Variants in APTX observed in about 807,000 individuals in gnomAD.
The protein encoded by APTX is aprataxin.
Under a neutral mutation model 42.3 loss-of-function variants are expected in APTX, and 33 were observed. The ratio of observed to expected loss-of-function variants is 0.78; its 90% confidence interval spans 0.59 to 1.04. APTX has a LOEUF of 1.04. Ranked by LOEUF, APTX falls within the 50% of genes least tolerant of loss-of-function variation. The probability of loss-of-function intolerance (pLI) is 0.00; values close to 1 mark genes in which losing one functional copy is unlikely to be tolerated. For synonymous variants in APTX, 130 were observed against 146.7 expected, an observed-to-expected ratio of 0.89 and a Z score of 0.82; for missense variants, 421 against 415.1, an observed-to-expected ratio of 1.01 and a Z score of -0.12.
At chr9:33,007,765 T>C (rs1322985031) in intron 1 of APTX, among the ~76,000 whole-genome samples, 1 of 151,190 alleles carries the variant, frequency 6.6e-6, no homozygotes, top group Non-Finnish European at 1.5e-5. Flanking sequence ...ATGAAAACGA[T>C]ATTAAAAAAA....
At position 32,987,529 on chromosome 9, in the gene APTX, TCACAC is replaced by T; in HGVS notation, c.483+10_483+14del. Reference sequence around the variant, plus strand: ...ATTTCTTCTCCACATCATCTACCAATCACACTACCCTCACCTTTTTGATAGGTGCA... The same window carrying T: ...ATTTCTTCTCCACATCATCTACCAATTACCCTCACCTTTTTGATAGGTGCA... On this transcript the variant is annotated intron_variant, in intron 4 of 7. Coordinates refer to ENST00000379817, the MANE Select transcript of APTX (RefSeq NM_001195248.2). 1 of 1,613,198 alleles carries T rather than the reference TCACAC, an allele frequency of 6.2e-7. No individual in the cohort carries two copies. Among genetic ancestry groups the T allele is most frequent in the South Asian group, 1.1e-5 (1 of 91,080 alleles).
upstream of APTX, among the ~76,000 whole-genome samples, chr9:33,004,809 T>C (rs963873415): frequency 4.0e-5 from 5 of 124,742 alleles, no homozygotes; most frequent in African/African-American, 1.3e-4. Flanking sequence ...ATTTTTGTAT[T>C]TTTTTTTTTT....
chr9:32,996,215 G>T (rs1478730293), intron 1 of APTX, among the ~76,000 whole-genome samples: 1 of 151,654 alleles, frequency 6.6e-6, no homozygotes, highest in East Asian at 1.9e-4. Flanking sequence ...CGTCTCTGAG[G>T]TATGCCTGTA....
At chr9:33,018,995 T>TG in intron 1 of APTX, among the ~76,000 whole-genome samples, 1 of 152,208 alleles carries the variant, frequency 6.6e-6, no homozygotes, top group Non-Finnish European at 1.5e-5. Flanking sequence ...AGTAATGTGG[T>TG]GTCCTTGGTG....
At chr9:33,007,556 A>G (rs779893884) in intron 1 of APTX, among the ~76,000 whole-genome samples, 1 of 152,200 alleles carries the variant, frequency 6.6e-6, no homozygotes, top group Non-Finnish European at 1.5e-5. Context: ...AAGACAAAAC[A>G]TACTCTTTTC....
chr9:32,983,987 G>C (rs1015826048), intron 6 of APTX, among the ~76,000 whole-genome samples: 2 of 152,134 alleles, frequency 1.3e-5, no homozygotes, highest in African/African-American at 4.8e-5. Flanking sequence ...ACTTAAAGAT[G>C]ACTAAAATGT....
At chr9:33,005,753 C>G (rs999099031), upstream of APTX, among the ~76,000 whole-genome samples, 1 of 152,154 alleles carries the variant, frequency 6.6e-6, no homozygotes, top group Non-Finnish European at 1.5e-5. Context: ...ATTTTCTGTA[C>G]TATGTAAGGT....
chr9:32,972,980 C>T lies in APTX; in HGVS notation c.*518G>A, dbSNP rs1462995127. The T allele has an allele frequency of 6.6e-6, 3 of 453,886 alleles. No individual in the cohort carries two copies. The highest frequency in any genetic ancestry group is 1.3e-5 in the Non-Finnish European group (3 of 226,778). 28.1% of individuals were successfully genotyped at this position (453,886 alleles called of 1,614,324 possible). A position where few individuals can be genotyped will look rare whatever the true frequency, so the allele number is the denominator to read the frequency against. ...ATTTAGGTAATCTGGGATAGAAGGG[C>T]ATGGAAGGACTGGACAAACTAAGCC... On this transcript the variant is annotated 3_prime_UTR_variant, in exon 8 of 8. Transcript: ENST00000379817.
intron 1 of APTX, among the ~76,000 whole-genome samples, chr9:33,007,721 G>A (rs1837258772): frequency 6.6e-6 from 1 of 151,824 alleles, no homozygotes; most frequent in Non-Finnish European, 1.5e-5. Context: ...CCATATACAG[G>A]TCTAAAGTGA....
At chr9:32,991,549 C>T (rs762422426) in intron 1 of APTX, among the ~76,000 whole-genome samples, 1 of 152,022 alleles carries the variant, frequency 6.6e-6, no homozygotes, top group Non-Finnish European at 1.5e-5. Context: ...TTTGGGAGCC[C>T]AAGGCAGGCG....
At chr9:33,003,740 T>C (rs528764067), upstream of APTX, among the ~76,000 whole-genome samples, 7 of 152,336 alleles carry the variant, frequency 4.6e-5, no homozygotes, top group East Asian at 9.6e-4. Context: ...AGGTACCTCA[T>C]GTAAGTAAAA....
intron 1 of APTX, among the ~76,000 whole-genome samples, chr9:33,008,628 T>G (rs138348566): frequency 0.071 from 10,679 of 151,442 alleles, 507 homozygotes; most frequent in Non-Finnish European, 0.11. Flanking sequence ...CTTGGCTCAC[T>G]GCAACCTCCA....
Position 32,984,845 on chromosome 9 carries a change from C to T in APTX, c.556G>A (p.Glu186Lys), listed in dbSNP as rs1457151864. ...TTATCCTTTATCACCACCACCTGCT[C>T]ATCTTTGTAAACCTAGCAGAGGGAT... ...QDPKMQVYKD[E>K]QVVVIKDKYP... The change falls in exon 6 of 8, where the codon GAG becomes AAG. Residue 186 changes from glutamate to lysine, a missense_variant. Glu to Lys is a moderately conservative substitution (Grantham distance 56). Transcript: ENST00000379817. 1 of 1,614,122 alleles carries T rather than the reference C, an allele frequency of 6.2e-7. No individual in the cohort carries two copies. Among genetic ancestry groups the T allele is most frequent in the Non-Finnish European group, 8.5e-7 (1 of 1,179,942 alleles).
At chr9:33,004,245 G>A (rs949528687), upstream of APTX, among the ~76,000 whole-genome samples, 3 of 152,186 alleles carry the variant, frequency 2.0e-5, no homozygotes, top group Middle Eastern at 3.2e-3. Context: ...ATACAGAGTG[G>A]TATAATGTTC....
chr9:32,984,389 G>A (rs565943873), intron 6 of APTX, among the ~76,000 whole-genome samples: 3 of 152,084 alleles, frequency 2.0e-5, no homozygotes, highest in Non-Finnish European at 2.9e-5. Flanking sequence ...TTAGGCTCTC[G>A]AAGATTTATA....
chr9:33,001,684 T>C, upstream of APTX: 17 of 1,566,070 alleles, frequency 1.1e-5, no homozygotes, highest in Middle Eastern at 1.7e-4. Context: ...CCAGCACCTC[T>C]CTAACGGATT....
At chr9:32,974,741 T>C (rs1828944568) in intron 6 of APTX, among the ~76,000 whole-genome samples, 180 bp from the exon 7 acceptor site, 1 of 152,210 alleles carries the variant, frequency 6.6e-6, no homozygotes, top group Admixed American at 6.5e-5. Flanking sequence ...CTTAAGAATA[T>C]TTAATGCTCA....
At chr9:33,001,223 G>C in intron 1 of APTX, 1 of 1,205,504 alleles carries the variant, frequency 8.3e-7, no homozygotes, top group African/African-American at 1.5e-5. Context: ...CTTTCACGAA[G>C]CATTTCTGGC....
At position 32,988,686 on chromosome 9, in the gene APTX, G is replaced by GGAA. The variant is rs1563970063; in HGVS notation, c.134-558_134-557insTTC. The stretch of plus-strand genomic sequence containing the variant: ...ACAGAGTGAGACCCTATCTCAGGAG[G>GGAA]AAAAAAAAAAAAAAAAAAAAAAAAA... On this transcript the variant is annotated intron_variant, in intron 2 of 7. Transcript: ENST00000379817. Among the ~76,000 whole-genome samples, 16 of 70,888 alleles carry GGAA rather than the reference G, an allele frequency of 2.3e-4. 4 individuals are homozygous for GGAA. Among genetic ancestry groups the GGAA allele is most frequent in the African/African-American group, 1.7e-4 (3 of 17,388 alleles). 46.5% of individuals were successfully genotyped at this position (70,888 alleles called of 152,430 possible). A position where few individuals can be genotyped will look rare whatever the true frequency, so the allele number is the denominator to read the frequency against.
Sources: allele counts gnomAD v4.1 joint callset (sites outside exome capture counted in the v4.1 genomes callset), GRCh38; gene constraint gnomAD v4.1.1; transcripts MANE v1.5; gene names NCBI Gene and HGNC (gene_info 2026-07-23, HGNC 2026-07-21).